ARFGEF3: variants seen among roughly 807,000 people sequenced by gnomAD.
The protein encoded by ARFGEF3 is brefeldin A-inhibited guanine nucleotide-exchange protein 3.
A neutral mutation model predicts 221.7 loss-of-function variants in ARFGEF3; 96 were observed. The ratio of observed to expected loss-of-function variants is 0.43; its 90% CI spans 0.37 to 0.51. ARFGEF3 has a LOEUF of 0.51. Ranked by LOEUF, ARFGEF3 falls within the 20% of genes least tolerant of loss-of-function variation. The pLI, the probability that ARFGEF3 is intolerant of heterozygous loss-of-function variation, is 0.00. For synonymous variants in ARFGEF3, 1,145 were observed against 1,126.8 expected, an observed-to-expected ratio of 1.02 and a Z score of -0.32; for missense variants, 2,410 against 2,789.9, an observed-to-expected ratio of 0.86 and a Z score of 3.07.
intron 8 of ARFGEF3, among the ~76,000 whole-genome samples, chr6:138,248,239 T>C (rs765339311): frequency 6.6e-6 from 1 of 152,206 alleles, no homozygotes; most frequent in Non-Finnish European, 1.5e-5. Flanking sequence ...GGCCGCTGAT[T>C]GGCTTTCATC....
chr6:138,190,805 C>T (rs1232479133), intron 2 of ARFGEF3, among the ~76,000 whole-genome samples: 1 of 152,132 alleles, frequency 6.6e-6, no homozygotes, highest in Non-Finnish European at 1.5e-5. Context: ...TAAACCTTTT[C>T]AATACTTTGG....
chr6:138,247,642 A>T (rs1778509395), intron 8 of ARFGEF3, among the ~76,000 whole-genome samples: 1 of 152,244 alleles, frequency 6.6e-6, no homozygotes, highest in Non-Finnish European at 1.5e-5. Context: ...CCTGGGTTAA[A>T]ACCCACGCTT....
intron 12 of ARFGEF3, among the ~76,000 whole-genome samples, chr6:138,266,129 C>G (rs765668817): frequency 1.6e-4 from 25 of 151,802 alleles, no homozygotes; most frequent in Non-Finnish European, 3.5e-4. Context: ...GGGGGGATCA[C>G]TTGGGCCTGG....
intron 24 of ARFGEF3, 136 bp downstream of exon 24, chr6:138,308,997 T>A: frequency 9.8e-7 from 1 of 1,015,640 alleles, no homozygotes; most frequent in Non-Finnish European, 1.4e-6. Flanking sequence ...TGGTGTTGTG[T>A]ACTCAAAAGC....
At chr6:138,287,804 G>A (rs554300863) in intron 17 of ARFGEF3, among the ~76,000 whole-genome samples, 1 of 152,152 alleles carries the variant, frequency 6.6e-6, no homozygotes, top group African/African-American at 2.4e-5. Flanking sequence ...TCCAAATTGT[G>A]TAACTACTAT....
At chr6:138,228,343 A>ATT (rs1290786424) in intron 4 of ARFGEF3, among the ~76,000 whole-genome samples, 27 of 138,000 alleles carry the variant, frequency 2.0e-4, no homozygotes, top group African/African-American at 6.6e-4. Flanking sequence ...CACCTGGATA[A>ATT]TTTTTTTTTT....
At chr6:138,193,311 C>T (rs1429919795) in intron 2 of ARFGEF3, among the ~76,000 whole-genome samples, 1 of 152,186 alleles carries the variant, frequency 6.6e-6, no homozygotes, top group African/African-American at 2.4e-5. Context: ...AAGACACTTG[C>T]ATTTTTCTAG....
intron 2 of ARFGEF3, among the ~76,000 whole-genome samples, chr6:138,196,976 G>A (rs1305143489): frequency 6.6e-6 from 1 of 152,006 alleles, no homozygotes; most frequent in Non-Finnish European, 1.5e-5. Flanking sequence ...TGGGATTACT[G>A]GCAGGCACCA....
chr6:138,191,725 T>C (rs1434942191), intron 2 of ARFGEF3, among the ~76,000 whole-genome samples: 2 of 152,340 alleles, frequency 1.3e-5, no homozygotes, highest in Middle Eastern at 3.4e-3. Context: ...AAAATATAGC[T>C]GCTATCTTTC....
intron 5 of ARFGEF3, among the ~76,000 whole-genome samples, chr6:138,233,484 C>T (rs1213992372): frequency 6.6e-6 from 1 of 152,154 alleles, no homozygotes; most frequent in Admixed American, 6.6e-5. Context: ...TCAAGCGATT[C>T]TCCTGCCTCA....
chr6:138,329,681 A>G (rs1780189199), intron 32 of ARFGEF3, among the ~76,000 whole-genome samples: 1 of 152,150 alleles, frequency 6.6e-6, no homozygotes, highest in Non-Finnish European at 1.5e-5. Context: ...AAACAAACAA[A>G]AAAACAAACT....
chr6:138,181,844 C>T (rs2114449703), intron 2 of ARFGEF3, among the ~76,000 whole-genome samples: 1 of 152,280 alleles, frequency 6.6e-6, no homozygotes, highest in East Asian at 1.9e-4. Context: ...AATTTAGTCC[C>T]AAATTTCCTG....
chr6:138,323,588 G>T (rs1780073189), intron 29 of ARFGEF3, 83 bp from the exon 30 acceptor site: 1 of 1,288,748 alleles, frequency 7.8e-7, no homozygotes. Context: ...TCCAGGCTGG[G>T]CAACAAGAGC....
In ARFGEF3 at chr6:138,323,714, T is replaced by C; in HGVS notation, c.4810T>C (p.Trp1604Arg). ...TAGPVFTEEM[W>R]RLACCALQDA... is the part of the protein sequence containing the mutation. ...GGGCCCTGTGTTCACTGAGGAGATG[T>C]GGAGGCTTGCCTGCTGTGCCCTGCA... Residue 1604 changes from tryptophan to arginine, a missense_variant, in exon 30 of 34, where the codon TGG becomes CGG. By Grantham distance (101) the Trp-to-Arg change is moderately radical. Around this residue, in one of 5 missense-constraint regions of ARFGEF3, gnomAD observed 723 missense variants for 991.9 expected, o/e 0.73. Coordinates refer to ENST00000251691, the MANE Select transcript of ARFGEF3 (RefSeq NM_020340.5). 1 of 1,613,964 alleles carries C rather than the reference T, an allele frequency of 6.2e-7. No homozygotes were observed. Among genetic ancestry groups the C allele is most frequent in the Non-Finnish European group, 8.5e-7 (1 of 1,179,866 alleles).
intron 2 of ARFGEF3, among the ~76,000 whole-genome samples, chr6:138,196,338 C>T (rs887488334): frequency 1.3e-5 from 2 of 152,236 alleles, no homozygotes; most frequent in Non-Finnish European, 2.9e-5. Context: ...GTCTACTATA[C>T]ACCTAGGCTG....
chr6:138,208,861 C>A (rs115049889), intron 3 of ARFGEF3, among the ~76,000 whole-genome samples: 2 of 151,976 alleles, frequency 1.3e-5, no homozygotes, highest in Admixed American at 1.3e-4. Flanking sequence ...TTTGGAGGAG[C>A]CTGAGGAGGT....
chr6:138,192,431 G>T (rs918535509), intron 2 of ARFGEF3, among the ~76,000 whole-genome samples: 14 of 152,176 alleles, frequency 9.2e-5, no homozygotes, highest in Non-Finnish European at 2.1e-4. Context: ...AGGTTGCAGT[G>T]AGCCAAGATC....
rs1222486449 is a variant in ARFGEF3, at chr6:138,263,004, C to G, written c.1521C>G (p.Val507=). 8 of 1,601,688 alleles carry G rather than the reference C, an allele frequency of 5.0e-6. No homozygotes were observed. The highest frequency in any genetic ancestry group is 6.0e-6 in the Non-Finnish European group (7 of 1,174,336). Residue 507 remains valine (V), a synonymous_variant, in exon 12 of 34, where the codon GTC becomes GTG. Coordinates refer to ENST00000251691, the MANE Select transcript of ARFGEF3 (RefSeq NM_020340.5). ...NERSLDISIS[V]TTDTGQTTLE... ...GGAGCCTTGACATCAGCATCAGTGT[C>G]ACCACAGACACAGGCCAGACCACTC...
intron 25 of ARFGEF3, among the ~76,000 whole-genome samples, chr6:138,312,415 G>T (rs1319489675): frequency 6.6e-6 from 1 of 151,988 alleles, no homozygotes; most frequent in Non-Finnish European, 1.5e-5. Context: ...GGGACATGCG[G>T]CCCTGGCTTC....
Sources: allele counts gnomAD v4.1 joint callset (sites outside exome capture counted in the v4.1 genomes callset), GRCh38; gene constraint gnomAD v4.1.1; regional missense constraint gnomAD v4.1.1; transcripts MANE v1.5; gene names NCBI Gene and HGNC (gene_info 2026-07-23, HGNC 2026-07-21).